MINK1: variants seen among roughly 807,000 people sequenced by gnomAD.
MINK1 encodes misshapen like kinase 1, also known as misshapen-like kinase 1.
MINK1 carries 46 observed loss-of-function variants against 178.4 expected under a neutral mutation model. That is an observed-to-expected ratio of 0.26 (90% confidence interval 0.20 to 0.33). The LOEUF (loss-of-function observed/expected upper bound fraction) is 0.33, where lower values mean the gene tolerates loss of function less well. Among genes scored for constraint, MINK1 ranks in the 10% least tolerant of loss-of-function variants. MINK1 has a pLI of 1.00. For missense variants in MINK1, 1,366 were observed against 1,814.9 expected (o/e 0.75, Z 4.49); for synonymous variants, 797 against 709.7 (o/e 1.12, Z -1.96).
Position 4,851,028 on chromosome 17 carries a change from T to C in MINK1, c.57+17388T>C, listed in dbSNP as rs1403444790. On this transcript the variant is annotated intron_variant, in intron 1 of 31. Coordinates refer to ENST00000355280, the MANE Select transcript of MINK1 (RefSeq NM_153827.5). ...CTGCCTCCGAGGCCACAGATCTGGT[T>C]TTCCTCCCTTCTGTCTCACCTGCCT... The C allele has an allele frequency of 6.5e-6, 3 of 458,726 alleles. No homozygotes were observed. In the Admixed American group the frequency reaches 7.1e-5, roughly 11 times the overall value. The allele number at this position is 458,726 out of a possible 1,614,324, so 28.4% of individuals were successfully genotyped here.
intron 1 of MINK1, among the ~76,000 whole-genome samples, chr17:4,873,029 C>T (rs1262134370): frequency 2.0e-5 from 3 of 152,168 alleles, no homozygotes; most frequent in African/African-American, 7.2e-5. Context: ...CCAGTGGTTT[C>T]CGAGCTGCTG....
chr17:4,896,369 G>A lies in MINK1; in HGVS notation c.3615+27G>A. ...TGAGCTTGGCGGGGCTGCTGGGGGA[G>A]TGGGATGGCCCAGTCTGGGCACCAG... On this transcript the variant is annotated intron_variant, in intron 29 of 31. Transcript: ENST00000355280. The surrounding 1 kb of genome is among the most constrained non-coding windows in gnomAD (Gnocchi z 4.6). 1 of 1,603,988 alleles carries A rather than the reference G, an allele frequency of 6.2e-7. No individual in the cohort carries two copies. Among genetic ancestry groups the A allele is most frequent in the South Asian group, 1.1e-5 (1 of 89,540 alleles).
chr17:4,834,461 T>C (rs925809430), intron 1 of MINK1, among the ~76,000 whole-genome samples: 1 of 152,178 alleles, frequency 6.6e-6, no homozygotes, highest in Non-Finnish European at 1.5e-5. Context: ...TGGGTGTTTA[T>C]GTTAGCTAAA....
chr17:4,833,762 G>A lies in MINK1; in HGVS notation c.57+122G>A, dbSNP rs1908846696. On this transcript the variant is annotated intron_variant, in intron 1 of 31. Coordinates refer to ENST00000355280, the MANE Select transcript of MINK1 (RefSeq NM_153827.5). The surrounding 1 kb of genome is among the most constrained non-coding windows in gnomAD (Gnocchi z 4.8). ...CTCCACCAGCTTGGGTCCCCTTGGCGACCCGTGCCCCTTTCCCGGACTCCC... is the reference window on the plus strand; with the variant it reads ...CTCCACCAGCTTGGGTCCCCTTGGCAACCCGTGCCCCTTTCCCGGACTCCC... 3.9e-6 allele frequency: 3 copies of A among 762,974 alleles called. No homozygotes were observed. The highest frequency in any genetic ancestry group is 3.4e-5 in the East Asian group (1 of 29,358). 47.3% of individuals were successfully genotyped at this position (762,974 alleles called of 1,614,324 possible).
intron 13 of MINK1, 133 bp downstream of exon 13, chr17:4,889,896 C>G: frequency 1.5e-6 from 1 of 679,162 alleles, no homozygotes; most frequent in Middle Eastern, 4.1e-4. Context: ...TTCACTCTTT[C>G]TCTCTGTTTT....
chr17:4,877,881 GCT>G (rs1414713173), intron 1 of MINK1, among the ~76,000 whole-genome samples: 1 of 146,986 alleles, frequency 6.8e-6, no homozygotes, highest in African/African-American at 2.6e-5. Context: ...CGCAATCTCA[GCT>G]CACTGCAAGC....
In MINK1 at chr17:4,897,301, T is replaced by G. The variant is rs1190203686; in HGVS notation, c.*14T>G. 1.2e-6 allele frequency: 2 copies of G among 1,612,516 alleles called. No individual in the cohort carries two copies. Among genetic ancestry groups the G allele is most frequent in the African/African-American group, 1.3e-5 (1 of 74,884 alleles). On this transcript the variant is annotated 3_prime_UTR_variant, in exon 32 of 32. Coordinates refer to ENST00000355280, the MANE Select transcript of MINK1 (RefSeq NM_153827.5). ...ATGAACTGGTGACGGGGCCCTGGGCTGGGGCTGTCCCACACTGGACCCAGC... is the reference window on the plus strand; with the variant it reads ...ATGAACTGGTGACGGGGCCCTGGGCGGGGGCTGTCCCACACTGGACCCAGC...
chr17:4,860,722 G>T (rs1334780349), intron 1 of MINK1: 1 of 520,016 alleles, frequency 1.9e-6, no homozygotes, highest in Admixed American at 1.9e-5. Flanking sequence ...GCTCAAGGCT[G>T]GTGTGTGCCT....
chr17:4,897,071 C>T (rs2151084994), intron 31 of MINK1, 133 bp from the exon 32 acceptor site: 1 of 888,658 alleles, frequency 1.1e-6, no homozygotes, highest in Middle Eastern at 2.2e-4. Context: ...GTGAGGGGCA[C>T]TGTGAGTCTC....
Position 4,894,297 on chromosome 17 carries a change from G to A in MINK1, c.2794G>A (p.Asp932Asn). 1 of 1,612,658 alleles carries A rather than the reference G, an allele frequency of 6.2e-7. No homozygotes were observed. The highest frequency in any genetic ancestry group is 8.5e-7 in the Non-Finnish European group (1 of 1,179,672). ...NSKGQSPPSKDGSGDYQSRGL... is the reference protein window; with the variant it reads ...NSKGQSPPSKNGSGDYQSRGL... ...CAAAGGCCAAAGCCCACCCTCGAAGGATGGGAGTGGTGACGTAAGTGGGCC... is the reference window on the plus strand; with the variant it reads ...CAAAGGCCAAAGCCCACCCTCGAAGAATGGGAGTGGTGACGTAAGTGGGCC... The change falls in exon 23 of 32, where the codon GAT becomes AAT. Residue 932 changes from aspartate (D) to asparagine (N), a missense_variant. Transcript: ENST00000355280. This position sits in a 1 kb window ranked among gnomAD's most constrained non-coding sequence, Gnocchi z 4.1.
intron 17 of MINK1, 45 bp from the exon 18 acceptor site, chr17:4,892,357 G>GCGCCCCCCCCCCGCCCCCCC: frequency 1.4e-6 from 2 of 1,457,928 alleles, no homozygotes; most frequent in Non-Finnish European, 1.9e-6. Flanking sequence ...CATCACCTCA[G>GCGCCCCCCCCCCGCCCCCCC]CGCCCCCCCG....
At position 4,892,445 on chromosome 17, in the gene MINK1, G is replaced by T. The variant is rs1311956714; in HGVS notation, c.2131G>T (p.Ala711Ser). 7.7e-6 allele frequency: 12 copies of T among 1,564,760 alleles called. No homozygotes were observed. The highest frequency in any genetic ancestry group is 1.0e-5 in the Non-Finnish European group (12 of 1,155,768). ...SAWQIYLQRR[A>S]ERGTPKPPGP... ...CTGGCAAATCTATCTGCAAAGGCGG[G>T]CAGAGCGGGGCACCCCAAAGCCTCC... Residue 711 changes from alanine (A) to serine (S), a missense_variant, in exon 18 of 32, where the codon GCA becomes TCA. Ala to Ser is a moderately conservative substitution (Grantham distance 99, BLOSUM62 1). This residue lies in a region of MINK1 where 709 missense variants were observed against 692.3 expected (regional missense o/e 1.02). Transcript: ENST00000355280.
chr17:4,892,829 G>T, intron 19 of MINK1, 61 bp downstream of exon 19: 1 of 1,488,984 alleles, frequency 6.7e-7, no homozygotes, highest in Non-Finnish European at 9.1e-7. Flanking sequence ...CATGGACCCT[G>T]CCTTTGGTGG....
chr17:4,833,975 T>G lies in MINK1; in HGVS notation c.57+335T>G, dbSNP rs1908886949. Among the ~76,000 whole-genome samples, 2 of 152,192 alleles carry G rather than the reference T, an allele frequency of 1.3e-5. No individual in the cohort carries two copies. The highest frequency in any genetic ancestry group is 2.9e-5 in the Non-Finnish European group (2 of 68,026). ...CCCCCATCACCTGGAGAACCTTTATTGTGGTTCCTTACCTCCTTTCGGCCC... is the reference window on the plus strand; with the variant it reads ...CCCCCATCACCTGGAGAACCTTTATGGTGGTTCCTTACCTCCTTTCGGCCC... On this transcript the variant is annotated intron_variant, in intron 1 of 31. Coordinates refer to ENST00000355280, the MANE Select transcript of MINK1 (RefSeq NM_153827.5). The surrounding 1 kb of genome is among the most constrained non-coding windows in gnomAD (Gnocchi z 4.8).
At position 4,892,823 on chromosome 17, in the gene MINK1, G is replaced by T. The variant is rs556251954; in HGVS notation, c.2311+55G>T. The T allele has an allele frequency of 4.6e-6, 7 of 1,511,974 alleles. No homozygotes were observed. The South Asian group carries it at 7.3e-5, about 16-fold the overall frequency. The allele number at this position is 1,511,974 out of a possible 1,614,324, so 93.7% of individuals were successfully genotyped here. On this transcript the variant is annotated intron_variant, in intron 19 of 31. Coordinates refer to ENST00000355280, the MANE Select transcript of MINK1 (RefSeq NM_153827.5). ...CTGGGCCTGGGGGCTTATCACCATG[G>T]ACCCTGCCTTTGGTGGCTTTGGACT...
At position 4,896,463 on chromosome 17, in the gene MINK1, T is replaced by G. The variant is rs765454753; in HGVS notation, c.3650T>G (p.Phe1217Cys). 1.2e-6 allele frequency: 2 copies of G among 1,613,792 alleles called. No individual in the cohort carries two copies. The highest frequency in any genetic ancestry group is 1.7e-6 in the Non-Finnish European group (2 of 1,179,832). The change falls in exon 30 of 32, where the codon TTC becomes TGC. Residue 1217 changes from phenylalanine (F) to cysteine (C), a missense_variant. Around this residue, in one of 14 missense-constraint regions of MINK1, gnomAD observed 201 missense variants for 240.7 expected, o/e 0.84. Coordinates refer to ENST00000355280, the MANE Select transcript of MINK1 (RefSeq NM_153827.5). This position sits in a 1 kb window ranked among gnomAD's most constrained non-coding sequence, Gnocchi z 4.6. ...CAGATCACGCCCCATGCCATCATCT[T>G]CCTCCCCAACACCGACGGCATGGAG... Reference protein sequence around the residue: ...QSQITPHAIIFLPNTDGMEML... With the variant: ...QSQITPHAIICLPNTDGMEML...
chr17:4,860,383 C>T (rs1038949437), intron 1 of MINK1, among the ~76,000 whole-genome samples: 2 of 152,190 alleles, frequency 1.3e-5, no homozygotes, highest in African/African-American at 2.4e-5. Context: ...CCTTGGCTCA[C>T]GCTTCCTAGG....
rs761339929 is a variant in MINK1 at position 4,891,622 on chromosome 17, T to C, written c.1907T>C (p.Val636Ala). Reference sequence around the variant, plus strand: ...GCCACGCCCAGTGCCCGAGGAGCTGTCATCCGCCAGAATTCAGACCCCACC... The same window carrying C: ...GCCACGCCCAGTGCCCGAGGAGCTGCCATCCGCCAGAATTCAGACCCCACC... ...PTATPSARGA[V>A]IRQNSDPTSE... Residue 636 changes from valine (V) to alanine (A), a missense_variant, in exon 16 of 32, where the codon GTC becomes GCC. Val to Ala is a moderately conservative substitution (Grantham distance 64). This residue lies in a region of MINK1 where 709 missense variants were observed against 692.3 expected (regional missense o/e 1.02). Coordinates refer to ENST00000355280, the MANE Select transcript of MINK1 (RefSeq NM_153827.5). The C allele has an allele frequency of 6.2e-7, 1 of 1,602,554 alleles. No homozygotes were observed. Among genetic ancestry groups the C allele is most frequent in the Non-Finnish European group, 8.5e-7 (1 of 1,175,246 alleles).
At position 4,897,195 on chromosome 17, in the gene MINK1, C is replaced by G; in HGVS notation, c.3916-9C>G. On this transcript the variant is annotated splice_polypyrimidine_tract_variant and intron_variant, in intron 31 of 31. Transcript: ENST00000355280. The stretch of plus-strand genomic sequence containing the variant: ...AGCCCTTGGTGACTTCTTCTCCTGC[C>G]CCACCCAGGTGTTTTTTGCCTCAGT... 6.2e-7 allele frequency: 1 copy of G among 1,612,654 alleles called. No homozygotes were observed. The highest frequency in any genetic ancestry group is 8.5e-7 in the Non-Finnish European group (1 of 1,179,258).
Sources: gnomAD v4.1 joint callset for allele counts (sites outside exome capture counted in the v4.1 genomes callset) on GRCh38, gnomAD v4.1.1 for gene constraint, gnomAD v4.1.1 regional missense constraint, Gnocchi (gnomAD v3.1) non-coding constraint, MANE v1.5 for transcripts, NCBI Gene and HGNC (gene_info 2026-07-23, HGNC 2026-07-21) for gene names.